The following CTNNA1 variants were observed in gnomAD, a reference collection of about 807,000 sequenced individuals.
The protein encoded by CTNNA1 is catenin alpha 1.
CTNNA1 carries 37 observed loss-of-function variants against 98.4 expected under a neutral mutation model. The observed-to-expected ratio is 0.38, with a 90% CI of 0.29 to 0.49. The LOEUF is 0.49. CTNNA1 is among the 20% of genes least tolerant of loss of function. The pLI is 0.95. For missense variants in CTNNA1, 761 were observed against 1,147.2 expected, an observed-to-expected ratio of 0.66 and a Z score of 4.86; for synonymous variants, 404 against 413.2, an observed-to-expected ratio of 0.98 and a Z score of 0.27.
chr5:138,827,252 G>A (rs1760817680), intron 6 of CTNNA1, among the ~76,000 whole-genome samples: 1 of 152,278 alleles, frequency 6.6e-6, no homozygotes, highest in East Asian at 1.9e-4. Flanking sequence ...AGTTGTGTGA[G>A]CATGATATGT....
At chr5:138,789,565 C>T (rs1277815766) in intron 3 of CTNNA1, among the ~76,000 whole-genome samples, 1 of 152,194 alleles carries the variant, frequency 6.6e-6, no homozygotes, top group Non-Finnish European at 1.5e-5. Context: ...TCAAGCAATT[C>T]TCCTGCCTCA....
chr5:138,838,352 G>T (rs577088742), intron 7 of CTNNA1, among the ~76,000 whole-genome samples: 2 of 152,132 alleles, frequency 1.3e-5, no homozygotes, highest in South Asian at 2.1e-4. Flanking sequence ...GATTTTGTAC[G>T]CATGGAGATG....
At chr5:138,822,221 C>T (rs1760117913) in intron 5 of CTNNA1, among the ~76,000 whole-genome samples, 1 of 152,030 alleles carries the variant, frequency 6.6e-6, no homozygotes, top group Admixed American at 6.5e-5. Context: ...TGTCATAACT[C>T]GAGTCTTGAA....
chr5:138,798,746 G>A (rs950915505), intron 3 of CTNNA1, among the ~76,000 whole-genome samples: 1 of 152,134 alleles, frequency 6.6e-6, no homozygotes, highest in African/African-American at 2.4e-5. Flanking sequence ...GGGGATGACA[G>A]ATTTTATTTC....
Position 138,873,040 on chromosome 5 carries a change from C to T in CTNNA1, c.1063-13172C>T, listed in dbSNP as rs752848652. ...CTTCACATTCTTTGTATGGCAGCTG[C>T]TGACACTTGCACTGTCCATAACCAT... On this transcript the variant is annotated intron_variant, in intron 7 of 17. Transcript: ENST00000302763. The surrounding 1 kb of genome is among the most constrained non-coding windows in gnomAD (Gnocchi z 6.1). 13 of 1,608,020 alleles carry T rather than the reference C, an allele frequency of 8.1e-6. No homozygotes were observed. The South Asian group carries it at 1.4e-4, about 18-fold the overall frequency.
Position 138,755,066 on chromosome 5 carries a change from A to G in CTNNA1, c.-3+1556A>G, listed in dbSNP as rs367863916. ...AGCCAGGGTGCCTGACCCCATCTGG[A>G]TATTTATTCAGCGAAAGAATAATTT... On this transcript the variant is annotated intron_variant, in intron 1 of 17. Transcript: ENST00000302763. 17 of 152,274 alleles carry G rather than the reference A, an allele frequency of 1.1e-4. No individual in the cohort carries two copies. In the East Asian group the frequency reaches 3.1e-3, roughly 28 times the overall value. The allele number at this position is 152,274 out of a possible 1,614,324, so 9.4% of individuals were successfully genotyped here. A position where few individuals can be genotyped will look rare whatever the true frequency, so the allele number is the denominator to read the frequency against.
chr5:138,794,918 G>A (rs1443990935), intron 3 of CTNNA1, among the ~76,000 whole-genome samples: 3 of 152,134 alleles, frequency 2.0e-5, no homozygotes, highest in East Asian at 1.9e-4. Flanking sequence ...GGGAGGCTGA[G>A]GCAGGTAGAT....
At position 138,874,472 on chromosome 5, in the gene CTNNA1, A is replaced by G; in HGVS notation, c.1063-11740A>G. On this transcript the variant is annotated intron_variant, in intron 7 of 17. Transcript: ENST00000302763. The surrounding 1 kb of genome is among the most constrained non-coding windows in gnomAD (Gnocchi z 4.1). ...GCATTTGGGTGGACACGCCATACCC[A>G]GGGCAGGCAGCATTTTTAAAACCAT... is the stretch of plus-strand genomic sequence containing the variant. 6.2e-7 allele frequency: 1 copy of G among 1,612,994 alleles called. No individual in the cohort carries two copies. The highest frequency in any genetic ancestry group is 8.5e-7 in the Non-Finnish European group (1 of 1,179,410).
At position 138,783,299 on chromosome 5, in the gene CTNNA1, G is replaced by A. The variant is rs776106481; in HGVS notation, c.228G>A (p.Gly76=). The A allele has an allele frequency of 2.5e-6, 4 of 1,613,946 alleles. No homozygotes were observed. In the African/African-American group the frequency reaches 5.3e-5, roughly 22 times the overall value. ...EQATENFLEK[G]DKIAKESQFL... is the part of the protein sequence containing the mutation. ...CAACTGAGAATTTCTTGGAGAAGGG[G>A]GATAAAATTGCGAAGGAGAGCCAGT... is the stretch of plus-strand genomic sequence containing the variant. The change falls in exon 3 of 18, where the codon GGG becomes GGA. Residue 76 remains glycine (G), a synonymous_variant. Coordinates refer to ENST00000302763, the MANE Select transcript of CTNNA1 (RefSeq NM_001903.5).
chr5:138,881,237 A>G (rs1334680799), intron 7 of CTNNA1: 1 of 392,512 alleles, frequency 2.5e-6, no homozygotes, highest in Non-Finnish European at 5.2e-6. Context: ...AGAAGAGGGC[A>G]TTCTTTGAAA....
intron 7 of CTNNA1, among the ~76,000 whole-genome samples, chr5:138,836,141 A>G (rs1761751457): frequency 6.6e-6 from 1 of 152,204 alleles, no homozygotes; most frequent in African/African-American, 2.4e-5. Context: ...GTGAGCCACC[A>G]TGGCTGGCCA....
rs896257241 is a variant in CTNNA1 at position 138,830,036 on chromosome 5, G to A, written c.1062+2318G>A. Among the ~76,000 whole-genome samples the A allele has an allele frequency of 3.3e-5, 5 of 152,182 alleles. No individual in the cohort carries two copies. In the South Asian group the frequency reaches 6.2e-4, roughly 19 times the overall value. ...AAAAAAATTAGCCGGACATGGAGGCGGGCGCCTGTAGTCCCAGCTGCTCTG... is the reference window on the plus strand; with the variant it reads ...AAAAAAATTAGCCGGACATGGAGGCAGGCGCCTGTAGTCCCAGCTGCTCTG... On this transcript the variant is annotated intron_variant, in intron 7 of 17. Transcript: ENST00000302763.
chr5:138,901,762 C>G (rs755271947), intron 9 of CTNNA1, among the ~76,000 whole-genome samples: 9 of 152,102 alleles, frequency 5.9e-5, no homozygotes, highest in South Asian at 2.1e-4. Context: ...TTAATAGTTA[C>G]GTCATTCTAG....
chr5:138,763,204 A>G (rs565976009), intron 1 of CTNNA1, among the ~76,000 whole-genome samples: 3 of 152,352 alleles, frequency 2.0e-5, no homozygotes, highest in South Asian at 2.1e-4. Context: ...GTTAGACTAC[A>G]TACAGACTGT....
At chr5:138,865,388 A>G (rs1264626477) in intron 7 of CTNNA1, among the ~76,000 whole-genome samples, 1 of 152,232 alleles carries the variant, frequency 6.6e-6, no homozygotes, top group Non-Finnish European at 1.5e-5. Context: ...AAGGGTCCTG[A>G]TGAAGAACAA....
intron 4 of CTNNA1, among the ~76,000 whole-genome samples, chr5:138,811,137 G>A (rs552549111): frequency 2.8e-3 from 424 of 151,470 alleles, no homozygotes; most frequent in East Asian, 9.7e-3. Context: ...GCTGCCGGGC[G>A]GAGGGGCTCC....
intron 3 of CTNNA1, among the ~76,000 whole-genome samples, chr5:138,804,629 A>AT (rs1364974242): frequency 1.3e-5 from 2 of 152,046 alleles, no homozygotes; most frequent in African/African-American, 2.4e-5. Flanking sequence ...TCAGCACTTC[A>AT]TTTTTTCTTA....
chr5:138,777,394 G>A (rs1281561273), intron 1 of CTNNA1, among the ~76,000 whole-genome samples: 3 of 151,142 alleles, frequency 2.0e-5, no homozygotes, highest in Non-Finnish European at 3.0e-5. Context: ...AGGCAGAGGG[G>A]CTCCTCACGT....
chr5:138,836,764 G>A (rs1384408764), intron 7 of CTNNA1, among the ~76,000 whole-genome samples: 2 of 152,130 alleles, frequency 1.3e-5, no homozygotes, highest in African/African-American at 4.8e-5. Context: ...TAGCCATCAA[G>A]CAGGGTTGAA....
Sources: gnomAD v4.1 joint callset for allele counts (sites outside exome capture counted in the v4.1 genomes callset) on GRCh38, gnomAD v4.1.1 for gene constraint, Gnocchi (gnomAD v3.1) non-coding constraint, MANE v1.5 for transcripts, NCBI Gene and HGNC (gene_info 2026-07-23, HGNC 2026-07-21) for gene names.